The following PON1 variants were observed in gnomAD, a reference collection of about 807,000 sequenced individuals.
The protein encoded by PON1 is paraoxonase 1, also known as serum paraoxonase/arylesterase 1.
In PON1, 37 loss-of-function variants were observed where a neutral mutation model predicts 39.2. The observed-to-expected ratio is 0.94, with a 90% CI of 0.73 to 1.24. The LOEUF (loss-of-function observed/expected upper bound fraction) is 1.24. PON1 is among the 50% of genes most tolerant of loss of function. PON1 has a pLI of 0.00. For synonymous variants in PON1, 148 were observed against 152.2 expected (o/e 0.97, Z 0.21); for missense variants, 397 against 413.5 (o/e 0.96, Z 0.35).
At chr7:95,315,250 C>A in intron 4 of PON1, 72 bp downstream of exon 4, 2 of 1,309,448 alleles carry the variant, frequency 1.5e-6, no homozygotes, top group Non-Finnish European at 2.2e-6. Context: ...AAAAATAATT[C>A]ATTTATTGGC....
Position 95,308,206 on chromosome 7 carries a change from T to C in PON1, c.503A>G (p.Asn168Ser). 4 of 1,613,684 alleles carry C rather than the reference T, an allele frequency of 2.5e-6. No homozygotes were observed. The highest frequency in any genetic ancestry group is 3.4e-6 in the Non-Finnish European group (4 of 1,179,676). The change falls in exon 6 of 9, where the codon AAT becomes AGT. Residue 168 changes from asparagine (N) to serine (S), a missense_variant. By Grantham distance (46) the Asn-to-Ser change is conservative. Coordinates refer to ENST00000222381, the MANE Select transcript of PON1 (RefSeq NM_000446.7). The part of the protein sequence containing the change: ...TIRHKLLPNL[N>S]DIVAVGPEHF... ...CTCAGGTCCCACAGCAACAATATCA[T>C]TCAAACTGCAATTAAAACATACACA...
Position 95,298,965 on chromosome 7 carries a change from T to C in PON1, c.1047A>G (p.Lys349=). The part of the protein sequence containing the change: ...GKLLIGTVFH[K]ALYCEL Reference sequence around the variant, plus strand: ...TCTGTTAGAGCTCACAGTAAAGAGCTTTGTGAAACACTGTGCCAATCAGCA... The same window carrying C: ...TCTGTTAGAGCTCACAGTAAAGAGCCTTGTGAAACACTGTGCCAATCAGCA... Residue 349 remains lysine, a synonymous_variant, in exon 9 of 9, where the codon AAA becomes AAG. Transcript: ENST00000222381. 6.2e-7 allele frequency: 1 copy of C among 1,614,134 alleles called. No homozygotes were observed. Among genetic ancestry groups the C allele is most frequent in the Non-Finnish European group, 8.5e-7 (1 of 1,180,012 alleles).
At position 95,317,586 on chromosome 7, in the gene PON1, AAAAAAAAG is replaced by A. The variant is rs1304546977; in HGVS notation, c.145+729_145+736del. 5.5e-3 allele frequency among the ~76,000 whole-genome samples: 775 copies of A among 141,224 alleles called. 11 individuals are homozygous for A. Among genetic ancestry groups the A allele is most frequent in the African/African-American group, 0.016 (615 of 39,066 alleles). The allele number at this position is 141,224 out of a possible 152,430, so 92.6% of individuals were successfully genotyped here. ...ATTCTAAAAGAACAAAAAAAAAAAA[AAAAAAAAG>A]AAAGAAAAAGAAACACCCAAAGCAC... On this transcript the variant is annotated intron_variant, in intron 2 of 8. Coordinates refer to ENST00000222381, the MANE Select transcript of PON1 (RefSeq NM_000446.7).
intron 8 of PON1, among the ~76,000 whole-genome samples, chr7:95,301,953 C>T (rs1342463482): frequency 6.6e-6 from 1 of 150,600 alleles, no homozygotes; most frequent in East Asian, 1.9e-4. Context: ...AAAAATTAGC[C>T]AGGCATGGTG....
At chr7:95,311,889 G>A (rs747889288) in intron 4 of PON1, among the ~76,000 whole-genome samples, 3 of 152,166 alleles carry the variant, frequency 2.0e-5, no homozygotes, top group African/African-American at 4.8e-5. Flanking sequence ...TGGTCTCCAC[G>A]AAATGCACAG....
At chr7:95,306,183 A>T in intron 7 of PON1, 102 bp downstream of exon 7, 199 of 944,742 alleles carry the variant, frequency 2.1e-4, no homozygotes, top group Non-Finnish European at 3.1e-4. Flanking sequence ...ATTGGTTCTC[A>T]CCCACCCCAA....
chr7:95,301,411 A>G (rs772015495), intron 8 of PON1, among the ~76,000 whole-genome samples: 2 of 152,142 alleles, frequency 1.3e-5, no homozygotes, highest in African/African-American at 2.4e-5. Flanking sequence ...CCACACAGGA[A>G]GGGGGAGTTG....
chr7:95,311,858 C>T (rs1455962217), intron 4 of PON1, among the ~76,000 whole-genome samples: 2 of 152,164 alleles, frequency 1.3e-5, no homozygotes, highest in African/African-American at 2.4e-5. Flanking sequence ...CCAAAGAATC[C>T]TTTAAGTTTT....
chr7:95,321,007 T>C (rs763314669), intron 1 of PON1, among the ~76,000 whole-genome samples: 7 of 152,154 alleles, frequency 4.6e-5, no homozygotes, highest in Non-Finnish European at 1.0e-4. Context: ...AAGTTCAGGA[T>C]TGGGTATCTG....
chr7:95,311,603 G>C, intron 4 of PON1, 26 bp from the exon 5 acceptor site: 1 of 1,613,710 alleles, frequency 6.2e-7, no homozygotes, highest in Admixed American at 1.7e-5. Flanking sequence ...AAACAAAAAT[G>C]AAACATTAAC....
At chr7:95,307,982 A>G (rs1807574923) in intron 6 of PON1, 29 bp downstream of exon 6, 1 of 1,577,944 alleles carries the variant, frequency 6.3e-7, no homozygotes, top group East Asian at 2.2e-5. Flanking sequence ...ATCTGAGTAA[A>G]TCCACTACAT....
intron 7 of PON1, among the ~76,000 whole-genome samples, chr7:95,305,977 G>A (rs540668447): frequency 6.6e-6 from 1 of 152,190 alleles, no homozygotes; most frequent in East Asian, 1.9e-4. Context: ...AGGAGAGGGA[G>A]ATCAGAAGAA....
chr7:95,311,375 C>T (rs1807649296), intron 5 of PON1, 76 bp downstream of exon 5: 2 of 1,571,504 alleles, frequency 1.3e-6, no homozygotes, highest in African/African-American at 2.7e-5. Context: ...CCTACTCTGG[C>T]CAAAAGGAAA....
intron 4 of PON1, 108 bp from the exon 5 acceptor site, chr7:95,311,685 G>T: frequency 8.6e-7 from 1 of 1,157,730 alleles, no homozygotes; most frequent in Non-Finnish European, 1.3e-6. Flanking sequence ...TAGGATGTCA[G>T]GCAGATGGAA....
rs906432681 is a variant in PON1 at position 95,302,547 on chromosome 7, A to G, written c.781-214T>C. 8 of 552,208 alleles carry G rather than the reference A, an allele frequency of 1.4e-5. No individual in the cohort carries two copies. In the African/African-American group the frequency reaches 1.5e-4, roughly 10 times the overall value. The allele number at this position is 552,208 out of a possible 1,614,324, so 34.2% of individuals were successfully genotyped here. On this transcript the variant is annotated intron_variant, in intron 7 of 8. Transcript: ENST00000222381. Reference sequence around the variant, plus strand: ...GTCAGTTTCCAGGGCAGAATTGGGTAGGGTGAAGATACAGAAAGCCAAGAA... The same window carrying G: ...GTCAGTTTCCAGGGCAGAATTGGGTGGGGTGAAGATACAGAAAGCCAAGAA...
chr7:95,302,229 G>T lies in PON1; in HGVS notation c.885C>A (p.Asp295Glu), dbSNP rs990091064. ...CCTCTGATGCAGGAGGATTCTCTGA[G>T]TCATAGAAGAAGATTTTCATGCCAT... is the stretch of plus-strand genomic sequence containing the variant. Reference protein sequence around the residue: ...HPNGMKIFFYDSENPPASEVL... With the variant: ...HPNGMKIFFYESENPPASEVL... The change falls in exon 8 of 9, where the codon GAC becomes GAA. Residue 295 changes from aspartate to glutamate, a missense_variant. Transcript: ENST00000222381. 6.2e-7 allele frequency: 1 copy of T among 1,612,310 alleles called. No individual in the cohort carries two copies.
At chr7:95,318,085 CTTT>C (rs11343146) in intron 2 of PON1, among the ~76,000 whole-genome samples, 14 of 131,144 alleles carry the variant, frequency 1.1e-4, no homozygotes, top group Admixed American at 1.6e-4. Context: ...TTCTTTTTTT[CTTT>C]TTTTTTTTTT....
In PON1 at chr7:95,320,827, T is replaced by C. The variant is rs547147011; in HGVS notation, c.75-2434A>G. 2.6e-5 allele frequency among the ~76,000 whole-genome samples: 4 copies of C among 152,384 alleles called. No individual in the cohort carries two copies. In the East Asian group the frequency reaches 7.7e-4, roughly 29 times the overall value. ...TCTGGGCCTAAGAGATAAGGGTCAA[T>C]GTCTGAGATATATCTCTGATTCACT... is the stretch of plus-strand genomic sequence containing the variant. On this transcript the variant is annotated intron_variant, in intron 1 of 8. Transcript: ENST00000222381.
chr7:95,308,358 G>A (rs898078377), intron 5 of PON1, 147 bp from the exon 6 acceptor site: 11 of 752,748 alleles, frequency 1.5e-5, no homozygotes, highest in South Asian at 6.2e-5. Flanking sequence ...CAATTAATAT[G>A]AAATTAGTCC....
Sources: allele counts gnomAD v4.1 joint callset (sites outside exome capture counted in the v4.1 genomes callset), GRCh38; gene constraint gnomAD v4.1.1; transcripts MANE v1.5; gene names NCBI Gene and HGNC (gene_info 2026-07-23, HGNC 2026-07-21).